The following SLC22A24 variants were observed in gnomAD, a reference collection of about 807,000 sequenced individuals.
The protein encoded by SLC22A24 is solute carrier family 22 member 24.
Under a neutral mutation model 49.8 loss-of-function variants are expected in SLC22A24, and 53 were observed. That is an observed-to-expected ratio of 1.06 (90% CI 0.85 to 1.34). The LOEUF (loss-of-function observed/expected upper bound fraction) is 1.34. Among genes scored for constraint, SLC22A24 ranks in the 40% most tolerant of loss-of-function variants. The pLI, the probability that SLC22A24 is intolerant of heterozygous loss-of-function variation, is 0.00. For synonymous variants in SLC22A24, 302 were observed against 256.4 expected (o/e 1.18, Z -1.70); for missense variants, 786 against 675.9 (o/e 1.16, Z -1.81).
At chr11:63,090,100 AAAAAAG>A in intron 6 of SLC22A24, among the ~76,000 whole-genome samples, 1 of 151,240 alleles carries the variant, frequency 6.6e-6, no homozygotes, top group East Asian at 1.9e-4. Context: ...AAAAAAAAAA[AAAAAAG>A]ACAAAGAATG....
intron 4 of SLC22A24, among the ~76,000 whole-genome samples, chr11:63,115,355 A>T (rs1007958935): frequency 6.6e-6 from 1 of 152,336 alleles, no homozygotes; most frequent in African/African-American, 2.4e-5. Flanking sequence ...CTCCGTGGGC[A>T]TGGGACCCAG....
chr11:63,123,336 G>T (rs532385982), intron 2 of SLC22A24, among the ~76,000 whole-genome samples: 6 of 152,298 alleles, frequency 3.9e-5, no homozygotes, highest in Admixed American at 3.3e-4. Flanking sequence ...GTAAAATGGT[G>T]ATCATATGGT....
intron 6 of SLC22A24, among the ~76,000 whole-genome samples, chr11:63,092,377 T>C (rs555157850): frequency 8.3e-6 from 1 of 120,266 alleles, no homozygotes; most frequent in Non-Finnish European, 1.8e-5. Flanking sequence ...CTAGTGACTT[T>C]CTTTGTAGAA....
intron 8 of SLC22A24, 50 bp from the exon 9 acceptor site, chr11:63,081,173 T>C: frequency 6.9e-7 from 1 of 1,444,208 alleles, no homozygotes; most frequent in Non-Finnish European, 9.5e-7. Flanking sequence ...TCTGTACATG[T>C]CAGCTCTTTA....
intron 5 of SLC22A24, among the ~76,000 whole-genome samples, chr11:63,096,822 C>A (rs2134645625): frequency 6.6e-6 from 1 of 152,208 alleles, no homozygotes; most frequent in African/African-American, 2.4e-5. Flanking sequence ...TAGGCTTGCA[C>A]AAGTCTGGCT....
At chr11:63,083,970 A>G (rs1049701943) in intron 6 of SLC22A24, among the ~76,000 whole-genome samples, 2 of 152,164 alleles carry the variant, frequency 1.3e-5, no homozygotes, top group Non-Finnish European at 2.9e-5. Context: ...AATGGGGGTA[A>G]TACTTACTTG....
intron 1 of SLC22A24, among the ~76,000 whole-genome samples, chr11:63,140,164 T>G (rs2087405778): frequency 6.8e-6 from 1 of 146,836 alleles, no homozygotes; most frequent in African/African-American, 2.5e-5. Flanking sequence ...TCATTGCAAC[T>G]GCTGCCTCCT....
chr11:63,088,207 G>A (rs1294506259), intron 6 of SLC22A24, among the ~76,000 whole-genome samples: 3 of 152,230 alleles, frequency 2.0e-5, no homozygotes, highest in African/African-American at 7.2e-5. Flanking sequence ...GCCCCTCTGG[G>A]ATGAAGCTTC....
At chr11:63,115,150 A>G (rs1327280973) in intron 4 of SLC22A24, among the ~76,000 whole-genome samples, 2 of 152,168 alleles carry the variant, frequency 1.3e-5, no homozygotes, top group African/African-American at 2.4e-5. Flanking sequence ...CCTTTTGTTC[A>G]TCTATGCCCT....
At chr11:63,083,220 C>G (rs1402649018) in intron 7 of SLC22A24, 23 bp downstream of exon 7, 1 of 1,539,272 alleles carries the variant, frequency 6.5e-7, no homozygotes, top group Non-Finnish European at 8.8e-7. Flanking sequence ...TACTTTCTTT[C>G]CTGAAACTCC....
chr11:63,081,827 T>TATAG lies in SLC22A24; in HGVS notation c.1286-165_1286-162dup, dbSNP rs1311284375. Among the ~76,000 whole-genome samples, 3 of 152,174 alleles carry TATAG rather than the reference T, an allele frequency of 2.0e-5. No individual in the cohort carries two copies. The East Asian group carries it at 5.8e-4, about 29-fold the overall frequency. On this transcript the variant is annotated intron_variant, in intron 7 of 9. Coordinates refer to ENST00000612278, the MANE Select transcript of SLC22A24 (RefSeq NM_001136506.2). ...GGGGAATGGTTGCGAGGCTGAGAAA[T>TATAG]ATAGACTGTAAAATGGTAGGGCTTA...
At chr11:63,127,925 C>T (rs756098138) in intron 2 of SLC22A24, among the ~76,000 whole-genome samples, 9 of 151,866 alleles carry the variant, frequency 5.9e-5, no homozygotes, top group African/African-American at 9.7e-5. Flanking sequence ...TGCCTGTTCA[C>T]TCTGATGATA....
At chr11:63,134,153 A>G (rs1278923931) in intron 2 of SLC22A24, among the ~76,000 whole-genome samples, 1 of 152,156 alleles carries the variant, frequency 6.6e-6, no homozygotes, top group Non-Finnish European at 1.5e-5. Flanking sequence ...AGATTTTATA[A>G]TGATGACTAC....
intron 6 of SLC22A24, among the ~76,000 whole-genome samples, chr11:63,087,236 C>G (rs2086993043): frequency 6.6e-6 from 1 of 152,090 alleles, no homozygotes; most frequent in African/African-American, 2.4e-5. Flanking sequence ...CTGAGGCACC[C>G]AGTTCATCTC....
chr11:63,123,521 C>A (rs1035974395), intron 2 of SLC22A24, among the ~76,000 whole-genome samples: 7 of 152,130 alleles, frequency 4.6e-5, no homozygotes, highest in Non-Finnish European at 7.3e-5. Flanking sequence ...CCATTATATA[C>A]AACTGTCTAC....
At chr11:63,134,850 A>G (rs2087362537) in intron 1 of SLC22A24, 82 bp from the exon 2 acceptor site, 2 of 929,850 alleles carry the variant, frequency 2.2e-6, no homozygotes, top group East Asian at 2.7e-5. Flanking sequence ...ACTCCTACAT[A>G]TGGTGTACAC....
At chr11:63,098,208 A>T (rs1299960279) in intron 5 of SLC22A24, among the ~76,000 whole-genome samples, 1 of 152,166 alleles carries the variant, frequency 6.6e-6, no homozygotes, top group Non-Finnish European at 1.5e-5. Flanking sequence ...ATTAAACAAT[A>T]TGTTCCTGAA....
At chr11:63,135,162 C>T (rs1199796850) in intron 1 of SLC22A24, among the ~76,000 whole-genome samples, 1 of 151,940 alleles carries the variant, frequency 6.6e-6, no homozygotes, top group African/African-American at 2.4e-5. Context: ...TATATAAAAC[C>T]CCCACAATCT....
chr11:63,094,357 C>T (rs552204198), intron 6 of SLC22A24, among the ~76,000 whole-genome samples: 15 of 152,064 alleles, frequency 9.9e-5, no homozygotes, highest in Non-Finnish European at 1.8e-4. Context: ...ATATGTGCCA[C>T]ATTTTCTTAA....
Sources: allele counts gnomAD v4.1 joint callset (sites outside exome capture counted in the v4.1 genomes callset), GRCh38; gene constraint gnomAD v4.1.1; transcripts MANE v1.5; gene names NCBI Gene and HGNC (gene_info 2026-07-23, HGNC 2026-07-21).